ENAH: variants seen among roughly 807,000 people sequenced by gnomAD.
ENAH encodes ENAH actin regulator, also known as protein enabled homolog.
Under a neutral mutation model 78.7 loss-of-function variants are expected in ENAH, and 23 were observed. That is an observed-to-expected ratio of 0.29 (90% confidence interval 0.21 to 0.41). The LOEUF (loss-of-function observed/expected upper bound fraction) is 0.41. Among genes scored for constraint, ENAH ranks in the 10% least tolerant of loss-of-function variants. The probability of loss-of-function intolerance (pLI) is 1.00; values close to 1 mark genes in which losing one functional copy is unlikely to be tolerated. For missense variants in ENAH, 544 were observed against 691.0 expected, an observed-to-expected ratio of 0.79 and a Z score of 2.39; for synonymous variants, 226 against 241.0, an observed-to-expected ratio of 0.94 and a Z score of 0.58.
chr1:225,639,853 C>A (rs1481194884), intron 1 of ENAH, among the ~76,000 whole-genome samples: 1 of 152,016 alleles, frequency 6.6e-6, no homozygotes, highest in African/African-American at 2.4e-5. Flanking sequence ...CCAAAGATGG[C>A]AAAATGTACC....
intron 1 of ENAH, among the ~76,000 whole-genome samples, chr1:225,598,802 G>T (rs1198595422): frequency 6.6e-6 from 1 of 150,928 alleles, no homozygotes; most frequent in South Asian, 2.1e-4. Flanking sequence ...CAAAAGAATA[G>T]AAATGGAAAA....
chr1:225,583,873 C>T (rs1289099427), intron 1 of ENAH, among the ~76,000 whole-genome samples: 1 of 151,796 alleles, frequency 6.6e-6, no homozygotes, highest in Non-Finnish European at 1.5e-5. Context: ...TAAATGTAGG[C>T]CGGGCACAGT....
At chr1:225,524,636 G>T (rs911172983) in intron 4 of ENAH, 1 of 985,254 alleles carries the variant, frequency 1.0e-6, no homozygotes, top group Admixed American at 6.1e-5. Context: ...TCCGGCCTCC[G>T]AAGGCCAATA....
intron 3 of ENAH, among the ~76,000 whole-genome samples, chr1:225,543,490 C>T (rs1283891365): frequency 6.6e-6 from 1 of 152,228 alleles, no homozygotes; most frequent in Admixed American, 6.5e-5. Context: ...ACATAAATAG[C>T]AGGTCTACCT....
intron 1 of ENAH, among the ~76,000 whole-genome samples, chr1:225,597,196 A>T (rs1381414303): frequency 6.6e-6 from 1 of 152,240 alleles, no homozygotes; most frequent in Admixed American, 6.5e-5. Flanking sequence ...ATAAGAATTT[A>T]AACATTAATA....
chr1:225,539,969 C>CT (rs1230884261), intron 3 of ENAH, among the ~76,000 whole-genome samples: 1 of 152,002 alleles, frequency 6.6e-6, no homozygotes, highest in Non-Finnish European at 1.5e-5. Flanking sequence ...ATTGTATATG[C>CT]TTTTTTCTGA....
At chr1:225,505,726 G>T (rs2096323145) in intron 11 of ENAH, among the ~76,000 whole-genome samples, 1 of 152,032 alleles carries the variant, frequency 6.6e-6, no homozygotes, top group African/African-American at 2.4e-5. Flanking sequence ...ATCCTTTATG[G>T]TTTAAAACAG....
chr1:225,629,847 T>C (rs965469331), intron 1 of ENAH, among the ~76,000 whole-genome samples: 4 of 152,194 alleles, frequency 2.6e-5, no homozygotes, highest in Non-Finnish European at 5.9e-5. Flanking sequence ...AGATCATAAA[T>C]TTAGAGAATA....
At chr1:225,521,147 A>G (rs2096465348) in intron 4 of ENAH, among the ~76,000 whole-genome samples, 1 of 152,166 alleles carries the variant, frequency 6.6e-6, no homozygotes, top group Non-Finnish European at 1.5e-5. Flanking sequence ...TTTGCTGTCC[A>G]CAGTCTAAGC....
In ENAH at chr1:225,565,402, T is replaced by C. The variant is rs1340825348; in HGVS notation, c.171+1847A>G. 2.6e-5 allele frequency among the ~76,000 whole-genome samples: 4 copies of C among 151,664 alleles called. No individual in the cohort carries two copies. The East Asian group carries it at 7.7e-4, about 29-fold the overall frequency. ...GTGAGCCACAATCACGCCATTGCAC[T>C]CCACCCTGGGCGACAAGAGCAAAAC... On this transcript the variant is annotated intron_variant, in intron 2 of 13. Transcript: ENST00000366843.
chr1:225,638,509 A>C (rs1660458632), intron 1 of ENAH, among the ~76,000 whole-genome samples: 1 of 152,206 alleles, frequency 6.6e-6, no homozygotes, highest in Non-Finnish European at 1.5e-5. Flanking sequence ...AGTCTAAGGC[A>C]ATGGGTCATA....
At chr1:225,602,409 C>A (rs1317726667) in intron 1 of ENAH, among the ~76,000 whole-genome samples, 1 of 151,988 alleles carries the variant, frequency 6.6e-6, no homozygotes, top group East Asian at 1.9e-4. Flanking sequence ...AACCAGATAA[C>A]AATGCTATAA....
chr1:225,571,938 G>A (rs1187257402), intron 1 of ENAH, among the ~76,000 whole-genome samples: 1 of 152,050 alleles, frequency 6.6e-6, no homozygotes, highest in Non-Finnish European at 1.5e-5. Flanking sequence ...ATAATAAATG[G>A]GTAATAGTGA....
chr1:225,504,983 G>A, intron 11 of ENAH: 14 of 1,606,568 alleles, frequency 8.7e-6, no homozygotes, highest in Non-Finnish European at 1.2e-5. Context: ...GTCACAGCAG[G>A]ATGATACCTG....
At chr1:225,651,889 T>C (rs1165003464) in intron 1 of ENAH, among the ~76,000 whole-genome samples, 1 of 152,196 alleles carries the variant, frequency 6.6e-6, no homozygotes. Context: ...TGTTTCATCG[T>C]ATCAATTAAA....
chr1:225,555,240 A>T (rs1432363695), intron 2 of ENAH, among the ~76,000 whole-genome samples, 157 bp from the exon 3 acceptor site: 1 of 152,218 alleles, frequency 6.6e-6, no homozygotes, highest in Non-Finnish European at 1.5e-5. Context: ...CACAAATATC[A>T]GTCTGATAGA....
intron 5 of ENAH, 114 bp downstream of exon 5, chr1:225,519,084 T>G: frequency 6.9e-7 from 1 of 1,453,226 alleles, no homozygotes; most frequent in Non-Finnish European, 9.2e-7. Context: ...TAATTTCAAA[T>G]TGTATGGCTT....
chr1:225,588,183 G>A (rs2096856633), intron 1 of ENAH, among the ~76,000 whole-genome samples: 1 of 152,128 alleles, frequency 6.6e-6, no homozygotes, highest in Non-Finnish European at 1.5e-5. Context: ...GTTACAGGAA[G>A]AAAGAGAGGG....
At chr1:225,513,970 C>G (rs1369908452) in intron 7 of ENAH, among the ~76,000 whole-genome samples, 1 of 151,636 alleles carries the variant, frequency 6.6e-6, no homozygotes, top group African/African-American at 2.4e-5. Context: ...GTCTGGATAA[C>G]AAGAGTGAAA....
Sources: gnomAD v4.1 joint callset for allele counts (sites outside exome capture counted in the v4.1 genomes callset) on GRCh38, gnomAD v4.1.1 for gene constraint, MANE v1.5 for transcripts, NCBI Gene and HGNC (gene_info 2026-07-23, HGNC 2026-07-21) for gene names.